FBXO17: variants seen among roughly 807,000 people sequenced by gnomAD.
FBXO17 encodes F-box protein 17.
A neutral mutation model predicts 34.1 loss-of-function variants in FBXO17; 43 were observed. The ratio of observed to expected loss-of-function variants is 1.26; its 90% CI spans 0.99 to 1.62. The LOEUF is 1.62. FBXO17 is among the 40% of genes most tolerant of loss of function. The pLI is 0.00. For missense variants in FBXO17, 424 were observed against 386.7 expected, an observed-to-expected ratio of 1.10 and a Z score of -0.81; for synonymous variants, 169 against 166.0, an observed-to-expected ratio of 1.02 and a Z score of -0.14.
intron 2 of FBXO17, among the ~76,000 whole-genome samples, chr19:38,949,567 A>G (rs1316663127): frequency 6.8e-6 from 1 of 147,848 alleles, no homozygotes; most frequent in Non-Finnish European, 1.5e-5. Context: ...GGTCTCTGTC[A>G]CGCAGGCTGT....
intron 1 of FBXO17, among the ~76,000 whole-genome samples, chr19:38,959,183 TA>T (rs2144830875): frequency 6.6e-6 from 1 of 151,872 alleles, no homozygotes; most frequent in Non-Finnish European, 1.5e-5. Flanking sequence ...GTGCTGGGAT[TA>T]TAGGTAGGAG....
chr19:38,966,878 C>T (rs1185965144), intron 1 of FBXO17, among the ~76,000 whole-genome samples: 1 of 152,144 alleles, frequency 6.6e-6, no homozygotes, highest in Non-Finnish European at 1.5e-5. Context: ...TGAATTTAGA[C>T]TATTACCTCA....
intron 1 of FBXO17, among the ~76,000 whole-genome samples, chr19:38,970,757 C>T (rs973786518): frequency 1.3e-5 from 2 of 152,064 alleles, no homozygotes; most frequent in Non-Finnish European, 2.9e-5. Flanking sequence ...CTCAGCCCTA[C>T]TAGGGGACTT....
chr19:38,959,670 C>T (rs1045875652), intron 1 of FBXO17, among the ~76,000 whole-genome samples: 1 of 151,710 alleles, frequency 6.6e-6, no homozygotes, highest in Non-Finnish European at 1.5e-5. Context: ...GTGGGAGGAT[C>T]GCTTGAACCC....
Position 38,948,587 on chromosome 19 carries a change from G to C in FBXO17, c.441C>G (p.Thr147=). 6.2e-7 allele frequency: 1 copy of C among 1,614,096 alleles called. No individual in the cohort carries two copies. ...LTPVPGAPSQ[T]CFVTSFEWCS... ...CTCACTCGAAAGAGGTCACGAAGCA[G>C]GTCTGCGAAGGAGCCCCAGGCACCG... Residue 147 remains threonine (T), a synonymous_variant, in exon 3 of 6, where the codon ACC becomes ACG. Transcript: ENST00000292852.
At chr19:38,957,586 C>T (rs994630385) in intron 1 of FBXO17, among the ~76,000 whole-genome samples, 5 of 152,080 alleles carry the variant, frequency 3.3e-5, no homozygotes, top group East Asian at 1.9e-4. Flanking sequence ...CCTTGTGATC[C>T]GCCCGCCTAG....
intron 1 of FBXO17, among the ~76,000 whole-genome samples, chr19:38,952,271 C>T (rs1025187910): frequency 1.3e-5 from 2 of 152,170 alleles, no homozygotes; most frequent in African/African-American, 4.8e-5. Flanking sequence ...GAGTGTTGAG[C>T]GGCCAAACCT....
At chr19:38,947,975 C>T (rs1477355829) in intron 3 of FBXO17, among the ~76,000 whole-genome samples, 2 of 150,166 alleles carry the variant, frequency 1.3e-5, no homozygotes, top group Non-Finnish European at 2.9e-5. Context: ...GAGGCAAAAG[C>T]GACTCCATCT....
intron 1 of FBXO17, among the ~76,000 whole-genome samples, chr19:38,974,033 C>CATAT (rs34636219): frequency 1.0e-3 from 136 of 136,204 alleles, no homozygotes; most frequent in African/African-American, 3.7e-3. Flanking sequence ...TATATATATA[C>CATAT]ATATATATAT....
intron 3 of FBXO17, 23 bp downstream of exon 3, chr19:38,948,544 G>A: frequency 6.3e-7 from 1 of 1,597,020 alleles, no homozygotes; most frequent in South Asian, 1.1e-5. Flanking sequence ...CAGGGATCGG[G>A]GCCTCTCACT....
intron 1 of FBXO17, among the ~76,000 whole-genome samples, chr19:38,972,109 C>T (rs902370312): frequency 2.6e-5 from 4 of 152,188 alleles, no homozygotes; most frequent in African/African-American, 9.7e-5. Context: ...AGTTATAGAT[C>T]TAATGGGCTT....
At chr19:38,966,252 G>C (rs1413814366) in intron 1 of FBXO17, among the ~76,000 whole-genome samples, 4 of 151,174 alleles carry the variant, frequency 2.6e-5, no homozygotes, top group African/African-American at 9.7e-5. Flanking sequence ...TTACAGGCAT[G>C]AGCCACCATG....
intron 1 of FBXO17, among the ~76,000 whole-genome samples, chr19:38,964,936 G>T (rs1229788678): frequency 6.6e-6 from 1 of 152,040 alleles, no homozygotes; most frequent in East Asian, 1.9e-4. Context: ...AGAACACAGA[G>T]TTCACAGTCA....
At chr19:38,968,822 C>CACA (rs1216969727) in intron 1 of FBXO17, among the ~76,000 whole-genome samples, 2 of 152,150 alleles carry the variant, frequency 1.3e-5, no homozygotes, top group African/African-American at 4.8e-5. Flanking sequence ...TGATGTGCTT[C>CACA]TATGAAATGA....
At chr19:38,956,683 C>A (rs1299783544) in intron 1 of FBXO17, among the ~76,000 whole-genome samples, 3 of 151,978 alleles carry the variant, frequency 2.0e-5, no homozygotes, top group Non-Finnish European at 4.4e-5. Context: ...GAGTTCAAGA[C>A]CAGCCTGGCC....
rs1975446922 is a variant in FBXO17 at position 38,975,352 on chromosome 19, G to A, written c.-18+234C>T. Among the ~76,000 whole-genome samples the A allele has an allele frequency of 6.6e-6, 1 of 152,214 alleles. No individual in the cohort carries two copies. The highest frequency in any genetic ancestry group is 1.5e-5 in the Non-Finnish European group (1 of 68,042). ...TTCGAACACCCACGTTCAAAGCAAA[G>A]CCCTTCCAGATTTAGGGCTTTCTAA... On this transcript the variant is annotated intron_variant, in intron 1 of 5. Coordinates refer to ENST00000292852, the MANE Select transcript of FBXO17 (RefSeq NM_024907.7). This position sits in a 1 kb window ranked among gnomAD's most constrained non-coding sequence, Gnocchi z 4.9.
At chr19:38,973,658 T>C (rs1975419311) in intron 1 of FBXO17, among the ~76,000 whole-genome samples, 1 of 152,182 alleles carries the variant, frequency 6.6e-6, no homozygotes, top group African/African-American at 2.4e-5. Flanking sequence ...AATATTTACA[T>C]AAATACAAAA....
rs567987166 is a variant in FBXO17 at position 38,971,088 on chromosome 19, A to G, written c.-18+4498T>C. Among the ~76,000 whole-genome samples the G allele has an allele frequency of 2.6e-3, 330 of 126,394 alleles. 5 individuals are homozygous for G. Among genetic ancestry groups the G allele is most frequent in the African/African-American group, 0.01 (320 of 30,792 alleles). The allele number at this position is 126,394 out of a possible 152,430, so 82.9% of individuals were successfully genotyped here. ...CACTCCAGCCTGGGTGACAAAGGAGAGTCCATCTCAAAAAAAAAAAAAAAA... is the reference window on the plus strand; with the variant it reads ...CACTCCAGCCTGGGTGACAAAGGAGGGTCCATCTCAAAAAAAAAAAAAAAA... On this transcript the variant is annotated intron_variant, in intron 1 of 5. Transcript: ENST00000292852.
chr19:38,961,340 A>G (rs1333242901), intron 1 of FBXO17, among the ~76,000 whole-genome samples: 1 of 146,650 alleles, frequency 6.8e-6, no homozygotes, highest in Non-Finnish European at 1.5e-5. Context: ...CAGTAGCATG[A>G]TCTCAGCTCA....
Sources: gnomAD v4.1 joint callset for allele counts (sites outside exome capture counted in the v4.1 genomes callset) on GRCh38, gnomAD v4.1.1 for gene constraint, Gnocchi (gnomAD v3.1) non-coding constraint, MANE v1.5 for transcripts, NCBI Gene and HGNC (gene_info 2026-07-23, HGNC 2026-07-21) for gene names.